The following NXPE3 variants were observed in gnomAD, a reference collection of about 807,000 sequenced individuals.
NXPE3 encodes NXPE family member 3.
A neutral mutation model predicts 46.1 loss-of-function variants in NXPE3; 26 were observed. The ratio of observed to expected loss-of-function variants is 0.56; its 90% CI spans 0.41 to 0.78. The LOEUF is 0.78. Ranked by LOEUF, NXPE3 falls within the 30% of genes least tolerant of loss-of-function variation. The probability of loss-of-function intolerance (pLI) is 0.00; values close to 1 mark genes in which losing one functional copy is unlikely to be tolerated. For synonymous variants in NXPE3, 272 were observed against 257.9 expected, an observed-to-expected ratio of 1.05 and a Z score of -0.52; for missense variants, 620 against 686.0, an observed-to-expected ratio of 0.90 and a Z score of 1.07.
chr3:101,809,876 G>A (rs1269683268), intron 6 of NXPE3, among the ~76,000 whole-genome samples: 1 of 152,112 alleles, frequency 6.6e-6, no homozygotes, highest in Non-Finnish European at 1.5e-5. Flanking sequence ...GATATTTGAG[G>A]CTTGTCTTGT....
In NXPE3 at chr3:101,821,802, C is replaced by A. The variant is rs747747143; in HGVS notation, c.1528C>A (p.Arg510=). ...WYNFQLDTIL[R]RMFSGVGVYL... Reference sequence around the variant, plus strand: ...CAACTTTCAGCTGGACACCATCCTTCGGAGGATGTTCTCAGGGGTTGGAGT... The same window carrying A: ...CAACTTTCAGCTGGACACCATCCTTAGGAGGATGTTCTCAGGGGTTGGAGT... The change falls in exon 8 of 8, where the codon CGG becomes AGG. Residue 510 remains arginine (R), a synonymous_variant. Transcript: ENST00000273347. 2 of 1,614,052 alleles carry A rather than the reference C, an allele frequency of 1.2e-6. No individual in the cohort carries two copies. Among genetic ancestry groups the A allele is most frequent in the Non-Finnish European group, 1.7e-6 (2 of 1,180,036 alleles).
At chr3:101,789,259 C>T (rs1300833437) in intron 4 of NXPE3, among the ~76,000 whole-genome samples, 2 of 152,108 alleles carry the variant, frequency 1.3e-5, no homozygotes, top group African/African-American at 4.8e-5. Flanking sequence ...TTTTCTTCTA[C>T]AAGGCTGGGT....
At chr3:101,804,554 C>T (rs1251647986) in intron 5 of NXPE3, among the ~76,000 whole-genome samples, 3 of 152,154 alleles carry the variant, frequency 2.0e-5, no homozygotes, top group Non-Finnish European at 4.4e-5. Flanking sequence ...TGAAATATTG[C>T]ATAAGGCCAT....
intron 6 of NXPE3, among the ~76,000 whole-genome samples, chr3:101,810,329 C>T (rs1941649704): frequency 6.6e-6 from 1 of 152,130 alleles, no homozygotes; most frequent in African/African-American, 2.4e-5. Context: ...TAGAATAAGA[C>T]TTGATCTAAT....
chr3:101,814,012 G>A (rs1272086040), intron 6 of NXPE3, among the ~76,000 whole-genome samples: 1 of 152,188 alleles, frequency 6.6e-6, no homozygotes, highest in Non-Finnish European at 1.5e-5. Flanking sequence ...TTTAGTAATT[G>A]ATTTGCTTTC....
At chr3:101,800,451 TG>T (rs1295799844) in intron 4 of NXPE3, among the ~76,000 whole-genome samples, 1 of 152,206 alleles carries the variant, frequency 6.6e-6, no homozygotes, top group African/African-American at 2.4e-5. Flanking sequence ...TGGCCCAAAA[TG>T]TGGTCCGTTT....
At chr3:101,818,743 ATATATATATATTTTTTTTTTTTTTTT>A (rs1471481259) in intron 7 of NXPE3, among the ~76,000 whole-genome samples, 1 of 27,364 alleles carries the variant, frequency 3.7e-5, no homozygotes, top group African/African-American at 1.6e-4. Flanking sequence ...ATATATATAT[ATATATATATATTTTTTTTTTTTTTTT>A]TTTTTTTTTT....
At position 101,785,698 on chromosome 3, in the gene NXPE3, C is replaced by A. The variant is rs1429877749; in HGVS notation, c.93+9C>A. 1.9e-6 allele frequency: 3 copies of A among 1,608,404 alleles called. No individual in the cohort carries two copies. The highest frequency in any genetic ancestry group is 2.6e-6 in the Non-Finnish European group (3 of 1,175,046). ...ATGTTACTCAGGTAGAGGTGAGTAC[C>A]CAGTATAATCCCTCATAACTAAGGG... On this transcript the variant is annotated intron_variant, in intron 4 of 7. Coordinates refer to ENST00000273347, the MANE Select transcript of NXPE3 (RefSeq NM_145037.4).
intron 6 of NXPE3, among the ~76,000 whole-genome samples, chr3:101,810,773 A>C (rs1941668175): frequency 6.6e-6 from 1 of 152,208 alleles, no homozygotes; most frequent in Admixed American, 6.5e-5. Context: ...TCAGTCTTAC[A>C]ACCACAAGTA....
At chr3:101,789,156 G>A (rs976307699) in intron 4 of NXPE3, among the ~76,000 whole-genome samples, 13 of 151,848 alleles carry the variant, frequency 8.6e-5, no homozygotes, top group African/African-American at 2.9e-4. Context: ...TGTTTACTTT[G>A]GATTTAATTG....
At position 101,808,829 on chromosome 3, in the gene NXPE3, A is replaced by ATATATATATATT. The variant is rs1428373466; in HGVS notation, c.922+1714_922+1715insTTATATATATAT. ...TACTAATTTTAGAGGATATATATAT[A>ATATATATATATT]TATATATATATATATATATATATAT... On this transcript the variant is annotated intron_variant, in intron 6 of 7. Coordinates refer to ENST00000273347, the MANE Select transcript of NXPE3 (RefSeq NM_145037.4). 6.2e-5 allele frequency among the ~76,000 whole-genome samples: 6 copies of ATATATATATATT among 97,548 alleles called. No homozygotes were observed. The South Asian group carries it at 1.7e-3, about 27-fold the overall frequency. The allele number at this position is 97,548 out of a possible 152,430, so 64.0% of individuals were successfully genotyped here.
At chr3:101,785,915 CATA>C (rs1420647413) in intron 4 of NXPE3, among the ~76,000 whole-genome samples, 1 of 152,090 alleles carries the variant, frequency 6.6e-6, no homozygotes, top group Non-Finnish European at 1.5e-5. Context: ...CTAGTGCTCA[CATA>C]ATAAGTGTGC....
rs760007821 is a variant in NXPE3 at position 101,822,006 on chromosome 3, C to T, written c.*52C>T. On this transcript the variant is annotated 3_prime_UTR_variant, in exon 8 of 8. Transcript: ENST00000273347. ...CATATTCAATGACCTTCTCAATTGA[C>T]CTGAGTTACAGAAAGTGGCCCCAGT... The T allele has an allele frequency of 1.3e-6, 2 of 1,539,188 alleles. No individual in the cohort carries two copies. Among genetic ancestry groups the T allele is most frequent in the South Asian group, 1.2e-5 (1 of 84,140 alleles).
intron 6 of NXPE3, among the ~76,000 whole-genome samples, chr3:101,812,656 C>CA (rs1253414702): frequency 6.6e-6 from 1 of 151,446 alleles, no homozygotes; most frequent in Non-Finnish European, 1.5e-5. Flanking sequence ...ACTAAAAATG[C>CA]AAAAAACTAG....
At chr3:101,814,250 G>A (rs1014923480) in intron 6 of NXPE3, among the ~76,000 whole-genome samples, 3 of 152,176 alleles carry the variant, frequency 2.0e-5, no homozygotes, top group Non-Finnish European at 2.9e-5. Context: ...ATGCAGCCTC[G>A]ATGTACTGAT....
Position 101,816,998 on chromosome 3 carries a change from C to G in NXPE3, c.1126C>G (p.Pro376Ala), listed in dbSNP as rs1177333163. 3 of 1,613,752 alleles carry G rather than the reference C, an allele frequency of 1.9e-6. No individual in the cohort carries two copies. Among genetic ancestry groups the G allele is most frequent in the Non-Finnish European group, 2.5e-6 (3 of 1,179,694 alleles). ...GTTTGAATACCTTACTACATTTGTT[C>G]CAGGTTGGTACTGTGCCTTTTGTTT... ...QWFEYLTTFV[P>A]DLVEFNLGSP... The change falls in exon 7 of 8, where the codon CCA becomes GCA. Residue 376 changes from proline (P) to alanine (A), a missense_variant. Coordinates refer to ENST00000273347, the MANE Select transcript of NXPE3 (RefSeq NM_145037.4).
Position 101,827,800 on chromosome 3 carries a change from A to C in NXPE3, c.*5846A>C, listed in dbSNP as rs1334408412. On this transcript the variant is annotated 3_prime_UTR_variant, in exon 8 of 8. Coordinates refer to ENST00000273347, the MANE Select transcript of NXPE3 (RefSeq NM_145037.4). Reference sequence around the variant, plus strand: ...CCAGTGTGCAGAAAAAAAATCCACAAATCTAGGCCTCGCTGCCCCCTCCCT... The same window carrying C: ...CCAGTGTGCAGAAAAAAAATCCACACATCTAGGCCTCGCTGCCCCCTCCCT... 6.6e-6 allele frequency among the ~76,000 whole-genome samples: 1 copy of C among 152,006 alleles called. No homozygotes were observed. The highest frequency in any genetic ancestry group is 2.4e-5 in the African/African-American group (1 of 41,362).
intron 3 of NXPE3, among the ~76,000 whole-genome samples, chr3:101,783,092 C>T (rs1054510448): frequency 1.4e-4 from 22 of 151,752 alleles, no homozygotes; most frequent in Admixed American, 5.2e-4. Flanking sequence ...GACGGAGTCT[C>T]GCTCTGTCAC....
At chr3:101,780,719 T>A (rs1939767890) in intron 1 of NXPE3, among the ~76,000 whole-genome samples, 1 of 152,220 alleles carries the variant, frequency 6.6e-6, no homozygotes, top group Non-Finnish European at 1.5e-5. Context: ...GTTCAATATT[T>A]AAAAAATAGC....
Sources: allele counts gnomAD v4.1 joint callset (sites outside exome capture counted in the v4.1 genomes callset), GRCh38; gene constraint gnomAD v4.1.1; transcripts MANE v1.5; gene names NCBI Gene and HGNC (gene_info 2026-07-23, HGNC 2026-07-21).